The following CLCN1 variants were observed in gnomAD, a reference collection of about 807,000 sequenced individuals.
CLCN1 encodes chloride channel protein 1.
CLCN1 carries 100 observed loss-of-function variants against 114.5 expected under a neutral mutation model. The ratio of observed to expected loss-of-function variants is 0.87; its 90% CI spans 0.74 to 1.03. CLCN1 has a LOEUF of 1.03. Among genes scored for constraint, CLCN1 ranks in the 50% least tolerant of loss-of-function variants. The probability of loss-of-function intolerance (pLI) is 0.00; values close to 1 mark genes in which losing one functional copy is unlikely to be tolerated. For synonymous variants in CLCN1, 485 were observed against 487.1 expected, an observed-to-expected ratio of 1.00 and a Z score of 0.06; for missense variants, 1,188 against 1,250.0, an observed-to-expected ratio of 0.95 and a Z score of 0.75.
intron 12 of CLCN1, among the ~76,000 whole-genome samples, chr7:143,338,951 T>C (rs1344831093): frequency 6.6e-6 from 1 of 152,198 alleles, no homozygotes; most frequent in Non-Finnish European, 1.5e-5. Context: ...CAGAGAAAGA[T>C]AAGTACTCCG....
chr7:143,346,785 G>A lies in CLCN1; in HGVS notation c.2365-126G>A, dbSNP rs73172436. The A allele has an allele frequency of 0.013, 15,699 of 1,187,914 alleles. 179 individuals carry two copies. Among genetic ancestry groups the A allele is most frequent in the African/African-American group, 0.031 (2,061 of 66,378 alleles). The allele number at this position is 1,187,914 out of a possible 1,614,324, so 73.6% of individuals were successfully genotyped here. Reference sequence around the variant, plus strand: ...GAGGAGGAGTTTAATCATATGGAAGGGATGATGAATGAAAAGGAGGCATCG... The same window carrying A: ...GAGGAGGAGTTTAATCATATGGAAGAGATGATGAATGAAAAGGAGGCATCG... On this transcript the variant is annotated intron_variant, in intron 19 of 22. Transcript: ENST00000343257.
chr7:143,338,092 C>T (rs566840616), intron 12 of CLCN1, among the ~76,000 whole-genome samples: 1 of 152,132 alleles, frequency 6.6e-6, no homozygotes, highest in African/African-American at 2.4e-5. Context: ...GATCTGCCCA[C>T]CTCTGCCTTC....
chr7:143,351,335 C>T (rs1275949127), intron 22 of CLCN1, among the ~76,000 whole-genome samples: 2 of 152,100 alleles, frequency 1.3e-5, no homozygotes, highest in African/African-American at 4.8e-5. Flanking sequence ...CAGGTGGTCA[C>T]TAGGAAGGAA....
At chr7:143,320,566 TC>T in intron 2 of CLCN1, 97 bp from the exon 3 acceptor site, 1 of 1,008,616 alleles carries the variant, frequency 9.9e-7, no homozygotes, top group Non-Finnish European at 1.5e-6. Flanking sequence ...TCTCTCTCTC[TC>T]TCTCTCTCTC....
In CLCN1 at chr7:143,342,512, G is replaced by A; in HGVS notation, c.1930+7G>A. ...CCACTGGTTGACTCAAAAGGTCAGT[G>A]GGGAGGAAGAAGTCGACTCCAGAGC... On this transcript the variant is annotated splice_region_variant and intron_variant, in intron 16 of 22. Transcript: ENST00000343257. 2 of 1,614,082 alleles carry A rather than the reference G, an allele frequency of 1.2e-6. No individual in the cohort carries two copies. Among genetic ancestry groups the A allele is most frequent in the Admixed American group, 1.7e-5 (1 of 60,018 alleles).
intron 16 of CLCN1, among the ~76,000 whole-genome samples, chr7:143,345,268 C>T (rs1803196119): frequency 6.6e-6 from 1 of 152,162 alleles, no homozygotes; most frequent in Non-Finnish European, 1.5e-5. Flanking sequence ...TATATAAGGC[C>T]TCATCAAAAT....
At chr7:143,318,682 A>C (rs1802351669) in intron 1 of CLCN1, among the ~76,000 whole-genome samples, 1 of 152,108 alleles carries the variant, frequency 6.6e-6, no homozygotes, top group African/African-American at 2.4e-5. Flanking sequence ...TGATGATATG[A>C]AGCAACCCCC....
rs987348654 is a variant in CLCN1 at position 143,339,268 on chromosome 7, G to A, written c.1417G>A (p.Val473Met). Residue 473 changes from valine (V) to methionine (M), a missense_variant, in exon 13 of 23, where the codon GTG becomes ATG. Coordinates refer to ENST00000343257, the MANE Select transcript of CLCN1 (RefSeq NM_000083.3). This position sits in a 1 kb window ranked among gnomAD's most constrained non-coding sequence, Gnocchi z 4.1. The part of the protein sequence containing the change: ...FFVMKFWMSI[V>M]ATTMPIPCGG... ...TCTACTCCAGTTCTGGATGTCCATC[G>A]TGGCCACCACTATGCCCATACCCTG... 11 of 1,611,250 alleles carry A rather than the reference G, an allele frequency of 6.8e-6. No individual in the cohort carries two copies. The highest frequency in any genetic ancestry group is 3.3e-5 in the Admixed American group (2 of 60,002).
intron 12 of CLCN1, among the ~76,000 whole-genome samples, chr7:143,335,656 G>GTTTTTTTTTTTTTTTTTT (rs199928109): frequency 9.3e-6 from 1 of 107,236 alleles, no homozygotes; most frequent in Non-Finnish European, 1.9e-5. Flanking sequence ...CAATTCAGCT[G>GTTTTTTTTTTTTTTTTTT]TTTTGTTTTT....
At chr7:143,341,058 CTT>C (rs946171432) in intron 14 of CLCN1, among the ~76,000 whole-genome samples, 3 of 152,118 alleles carry the variant, frequency 2.0e-5, no homozygotes, top group Non-Finnish European at 2.9e-5. Flanking sequence ...ACCCCTTTCG[CTT>C]TATAATTGAG....
rs751660890 is a variant in CLCN1 at position 143,316,160 on chromosome 7, G to A, written c.-53G>A. ...AGAGGCTTAAGGAGCTACACTGGGG[G>A]AAGGACAGGGGCAAGCAGGCCAAGG... On this transcript the variant is annotated 5_prime_UTR_variant, in exon 1 of 23. Transcript: ENST00000343257. 88 of 1,453,996 alleles carry A rather than the reference G, an allele frequency of 6.1e-5. No homozygotes were observed. The Admixed American group carries it at 1.4e-3, about 23-fold the overall frequency. 90.1% of individuals were successfully genotyped at this position (1,453,996 alleles called of 1,614,324 possible). A position where few individuals can be genotyped will look rare whatever the true frequency, so the allele number is the denominator to read the frequency against.
intron 16 of CLCN1, among the ~76,000 whole-genome samples, chr7:143,344,009 T>C (rs543785948): frequency 2.0e-4 from 31 of 152,226 alleles, no homozygotes; most frequent in African/African-American, 6.7e-4. Context: ...CCCAGCTAAT[T>C]TTGTATTTTT....
At chr7:143,327,583 A>T (rs2116847399) in intron 7 of CLCN1, among the ~76,000 whole-genome samples, 1 of 152,324 alleles carries the variant, frequency 6.6e-6, no homozygotes, top group Non-Finnish European at 1.5e-5. Flanking sequence ...GTAGTAAGAG[A>T]CTGCACTGGA....
rs1252611415 is a variant in CLCN1 at position 143,342,145 on chromosome 7, C to T, written c.1796+3C>T. ...GACCTTGGCTGGAACCAGCTCAGGT[C>T]AGGGGCACTAGACGGAATTAGTTCA... is the stretch of plus-strand genomic sequence containing the variant. On this transcript the variant is annotated splice_donor_region_variant and intron_variant, in intron 15 of 22. Transcript: ENST00000343257. The T allele has an allele frequency of 6.2e-7, 1 of 1,613,390 alleles. No homozygotes were observed. The highest frequency in any genetic ancestry group is 2.2e-5 in the East Asian group (1 of 44,876).
intron 1 of CLCN1, among the ~76,000 whole-genome samples, chr7:143,317,405 T>C (rs1802316729): frequency 1.3e-5 from 2 of 151,978 alleles, no homozygotes; most frequent in African/African-American, 2.4e-5. Context: ...CCTGCCACCA[T>C]ACCTGGCAAA....
intron 16 of CLCN1, among the ~76,000 whole-genome samples, chr7:143,344,751 G>GTT (rs11370140): frequency 0.019 from 2,550 of 131,272 alleles, 63 homozygotes; most frequent in African/African-American, 0.052. Context: ...TCCTAGCAGG[G>GTT]TTTTTTTTTT....
At chr7:143,351,446 GT>G in intron 22 of CLCN1, 147 bp from the exon 23 acceptor site, 6 of 811,974 alleles carry the variant, frequency 7.4e-6, no homozygotes, top group South Asian at 1.7e-5. Context: ...CTTGTTTTCT[GT>G]TTCTCTTTCT....
chr7:143,329,199 T>C (rs528738875), intron 7 of CLCN1, among the ~76,000 whole-genome samples: 3 of 152,194 alleles, frequency 2.0e-5, no homozygotes, highest in Admixed American at 2.0e-4. Flanking sequence ...AACTCCTGAC[T>C]TCATGATCCC....
chr7:143,338,800 A>AAG (rs1273158034), intron 12 of CLCN1, among the ~76,000 whole-genome samples: 2 of 146,886 alleles, frequency 1.4e-5, no homozygotes, highest in Non-Finnish European at 2.9e-5. Context: ...TCTCAAAAAA[A>AAG]AAAAAAAAGA....
Sources: allele counts gnomAD v4.1 joint callset (sites outside exome capture counted in the v4.1 genomes callset), GRCh38; gene constraint gnomAD v4.1.1; non-coding constraint Gnocchi (gnomAD v3.1); transcripts MANE v1.5; gene names NCBI Gene and HGNC (gene_info 2026-07-23, HGNC 2026-07-21).